The following NSL1 variants were observed in gnomAD, a reference collection of about 807,000 sequenced individuals.
NSL1 encodes NSL1 component of MIS12 kinetochore complex, also known as kinetochore-associated protein NSL1 homolog.
Under a neutral mutation model 25.4 loss-of-function variants are expected in NSL1, and 11 were observed. The observed-to-expected ratio is 0.43, with a 90% CI of 0.27 to 0.72. The LOEUF (loss-of-function observed/expected upper bound fraction) is 0.72, where lower values mean the gene tolerates loss of function less well. Among genes scored for constraint, NSL1 ranks in the 30% least tolerant of loss-of-function variants. The pLI is 0.19. For missense variants in NSL1, 330 were observed against 342.7 expected, an observed-to-expected ratio of 0.96 and a Z score of 0.29; for synonymous variants, 118 against 120.6, an observed-to-expected ratio of 0.98 and a Z score of 0.14.
Position 212,741,750 on chromosome 1 carries a change from T to C in NSL1, c.500-2149A>G, listed in dbSNP as rs117870380. Among the ~76,000 whole-genome samples the C allele has an allele frequency of 1.6e-4, 24 of 152,276 alleles. No individual in the cohort carries two copies. In the East Asian group the frequency reaches 4.2e-3, roughly 27 times the overall value. On this transcript the variant is annotated intron_variant, in intron 4 of 5. Coordinates refer to ENST00000366977, the MANE Select transcript of NSL1 (RefSeq NM_015471.4). ...TCTTTACAGCAGTGTGAGAAGAGAC[T>C]AATACAGCTGAGCAGTAGGTACTTA...
rs569541040 is a variant in NSL1 at position 212,734,017 on chromosome 1, A to C, written c.*4391T>G. Among the ~76,000 whole-genome samples the C allele has an allele frequency of 6.6e-6, 1 of 152,262 alleles. No homozygotes were observed. The highest frequency in any genetic ancestry group is 1.5e-5 in the Non-Finnish European group (1 of 68,002). On this transcript the variant is annotated 3_prime_UTR_variant, in exon 6 of 6. Coordinates refer to ENST00000366977, the MANE Select transcript of NSL1 (RefSeq NM_015471.4). Reference sequence around the variant, plus strand: ...TTTATTTTTGGGAAAATTTCATTTTATCTCCCAGCCCTCCCACTGAATTTT... The same window carrying C: ...TTTATTTTTGGGAAAATTTCATTTTCTCTCCCAGCCCTCCCACTGAATTTT...
intron 4 of NSL1, among the ~76,000 whole-genome samples, chr1:212,765,461 A>G (rs1483488284): frequency 6.6e-6 from 1 of 152,252 alleles, no homozygotes; most frequent in Non-Finnish European, 1.5e-5. Context: ...GCTACATAAC[A>G]GAAACAGAAT....
In NSL1 at chr1:212,733,704, G is replaced by A. The variant is rs1658120211; in HGVS notation, c.*4704C>T. ...TTGCCAAATAATATTCTATTGAGTG[G>A]ATAGTCCACATTTTATTTATCCATT... is the stretch of plus-strand genomic sequence containing the variant. On this transcript the variant is annotated 3_prime_UTR_variant, in exon 6 of 6. Coordinates refer to ENST00000366977, the MANE Select transcript of NSL1 (RefSeq NM_015471.4). Among the ~76,000 whole-genome samples the A allele has an allele frequency of 6.6e-6, 1 of 152,180 alleles. No individual in the cohort carries two copies. Among genetic ancestry groups the A allele is most frequent in the African/African-American group, 2.4e-5 (1 of 41,436 alleles).
intron 2 of NSL1, among the ~76,000 whole-genome samples, chr1:212,786,024 C>G (rs1412873049): frequency 1.3e-5 from 2 of 150,390 alleles, no homozygotes; most frequent in Non-Finnish European, 3.0e-5. Flanking sequence ...TTTCCTTTTT[C>G]TCTTTCTTTC....
intron 4 of NSL1, among the ~76,000 whole-genome samples, chr1:212,765,266 A>G (rs1659751228): frequency 6.6e-6 from 1 of 152,174 alleles, no homozygotes; most frequent in African/African-American, 2.4e-5. Flanking sequence ...TACCAAAACT[A>G]GGAAAGGACA....
At chr1:212,763,012 G>T (rs1558051750) in intron 4 of NSL1, among the ~76,000 whole-genome samples, 1 of 152,222 alleles carries the variant, frequency 6.6e-6, no homozygotes, top group Non-Finnish European at 1.5e-5. Context: ...AGAGGAGCTG[G>T]GCGTCCGGCC....
chr1:212,750,898 G>A (rs146170606), intron 4 of NSL1, among the ~76,000 whole-genome samples: 249 of 152,102 alleles, frequency 1.6e-3, no homozygotes, highest in African/African-American at 5.6e-3. Context: ...CCGAGATAGC[G>A]CCACTGCACT....
intron 4 of NSL1, among the ~76,000 whole-genome samples, chr1:212,754,086 G>GTCTAGAGTTTAGGAT (rs1160078687): frequency 6.6e-6 from 1 of 152,166 alleles, no homozygotes; most frequent in Non-Finnish European, 1.5e-5. Context: ...AATGCTAAAA[G>GTCTAGAGTTTAGGAT]TCTAGAGTTT....
At chr1:212,740,279 T>C (rs969752145) in intron 4 of NSL1, among the ~76,000 whole-genome samples, 30 of 152,252 alleles carry the variant, frequency 2.0e-4, no homozygotes, top group Non-Finnish European at 1.6e-4. Context: ...ACATTTTCAC[T>C]GGCTAGAAGA....
intron 4 of NSL1, chr1:212,764,039 G>A (rs1334283389): frequency 2.3e-6 from 1 of 439,704 alleles, no homozygotes; most frequent in African/African-American, 2.0e-5. Context: ...CACAAAATAA[G>A]TCTCAATAAA....
At chr1:212,755,592 ACTAAAAAAACCCCTGTGTCTAC>A (rs549136866) in intron 4 of NSL1, among the ~76,000 whole-genome samples, 3,463 of 145,366 alleles carry the variant, frequency 0.024, 64 homozygotes, top group South Asian at 0.043. Flanking sequence ...TATATAAACA[ACTAAAAAAACCCCTGTGTCTAC>A]CTATGTGCAT....
chr1:212,762,010 G>T (rs1659593593), intron 4 of NSL1, among the ~76,000 whole-genome samples: 1 of 148,736 alleles, frequency 6.7e-6, no homozygotes, highest in African/African-American at 2.5e-5. Flanking sequence ...TTTTAAGAAA[G>T]TTTACAGCTG....
rs1210799833 is a variant in NSL1 at position 212,736,948 on chromosome 1, CTTTTG to C, written c.*1455_*1459del. ...TAATCTAATAGAATTAACAATAACT[CTTTTG>C]TTTGGGGACCTCTGAAGTGAAACAA... is the stretch of plus-strand genomic sequence containing the variant. On this transcript the variant is annotated 3_prime_UTR_variant, in exon 6 of 6. Coordinates refer to ENST00000366977, the MANE Select transcript of NSL1 (RefSeq NM_015471.4). 1.0e-6 allele frequency: 1 copy of C among 983,776 alleles called. No homozygotes were observed. Among genetic ancestry groups the C allele is most frequent in the African/African-American group, 1.7e-5 (1 of 57,198 alleles). 60.9% of individuals were successfully genotyped at this position (983,776 alleles called of 1,614,324 possible). A position where few individuals can be genotyped will look rare whatever the true frequency, so the allele number is the denominator to read the frequency against.
chr1:212,750,195 T>C (rs1339128674), intron 4 of NSL1, among the ~76,000 whole-genome samples: 4 of 150,202 alleles, frequency 2.7e-5, no homozygotes. Context: ...TGATAGAGGG[T>C]GCCATGGAGG....
chr1:212,761,417 A>G (rs1167656736), intron 4 of NSL1, among the ~76,000 whole-genome samples: 1 of 152,130 alleles, frequency 6.6e-6, no homozygotes, highest in Non-Finnish European at 1.5e-5. Flanking sequence ...AGGGAGGAGG[A>G]TCGCCTGAAC....
In NSL1 at chr1:212,733,681, G is replaced by A. The variant is rs1237584896; in HGVS notation, c.*4727C>T. The stretch of plus-strand genomic sequence containing the variant: ...TACCAGTACCTCATTTCTTCTTATT[G>A]CCAAATAATATTCTATTGAGTGGAT... On this transcript the variant is annotated 3_prime_UTR_variant, in exon 6 of 6. Coordinates refer to ENST00000366977, the MANE Select transcript of NSL1 (RefSeq NM_015471.4). Among the ~76,000 whole-genome samples the A allele has an allele frequency of 6.6e-6, 1 of 152,090 alleles. No homozygotes were observed. Among genetic ancestry groups the A allele is most frequent in the Non-Finnish European group, 1.5e-5 (1 of 68,006 alleles).
chr1:212,791,493 GGAT>G, intron 1 of NSL1, 34 bp downstream of exon 1: 1 of 1,554,912 alleles, frequency 6.4e-7, no homozygotes, highest in Non-Finnish European at 8.8e-7. Flanking sequence ...TTGGGTAAGA[GGAT>G]GATGAGTAAA....
chr1:212,751,759 A>G (rs1271277037), intron 4 of NSL1, among the ~76,000 whole-genome samples: 1 of 152,214 alleles, frequency 6.6e-6, no homozygotes, highest in Non-Finnish European at 1.5e-5. Context: ...AATGGTCACT[A>G]AATATATGAA....
chr1:212,738,633 C>T lies in NSL1; in HGVS notation c.621G>A (p.Met207Ile). ...TCCTCTGGAGGTGGATAACAGGCTGCATCCTGAGAACTTGGGAAAATCCCT... is the reference window on the plus strand; with the variant it reads ...TCCTCTGGAGGTGGATAACAGGCTGTATCCTGAGAACTTGGGAAAATCCCT... ...QGEGFSQVLR[M>I]QPVIHLQRIH... Residue 207 changes from methionine to isoleucine, a missense_variant, in exon 6 of 6, where the codon ATG becomes ATA. By Grantham distance (10) the Met-to-Ile change is conservative. Transcript: ENST00000366977. The T allele has an allele frequency of 5.6e-6, 9 of 1,614,132 alleles. No homozygotes were observed. Among genetic ancestry groups the T allele is most frequent in the Non-Finnish European group, 7.6e-6 (9 of 1,180,000 alleles).
Sources: gnomAD v4.1 joint callset for allele counts (sites outside exome capture counted in the v4.1 genomes callset) on GRCh38, gnomAD v4.1.1 for gene constraint, MANE v1.5 for transcripts, NCBI Gene and HGNC (gene_info 2026-07-23, HGNC 2026-07-21) for gene names.